FRMD4A: variants seen among roughly 807,000 people sequenced by gnomAD.
FRMD4A encodes FERM domain containing 4A.
Under a neutral mutation model 129.1 loss-of-function variants are expected in FRMD4A, and 29 were observed. The ratio of observed to expected loss-of-function variants is 0.22; its 90% CI spans 0.17 to 0.31. The LOEUF is 0.31. FRMD4A is among the 10% of genes least tolerant of loss of function. The pLI is 1.00. For synonymous variants in FRMD4A, 634 were observed against 571.6 expected (o/e 1.11, Z -1.56); for missense variants, 1,272 against 1,375.8 (o/e 0.92, Z 1.19).
intron 12 of FRMD4A, among the ~76,000 whole-genome samples, chr10:13,728,531 G>T (rs371201663): frequency 2.8e-4 from 41 of 148,964 alleles, no homozygotes; most frequent in Admixed American, 2.7e-3. Context: ...ACCCTGTACG[G>T]AATTCTAAGT....
At chr10:14,164,531 C>T (rs1197664944) in intron 2 of FRMD4A, among the ~76,000 whole-genome samples, 7 of 152,154 alleles carry the variant, frequency 4.6e-5, no homozygotes, top group African/African-American at 1.7e-4. Context: ...TAGCCCATCC[C>T]GTGATTCCCG....
intron 2 of FRMD4A, among the ~76,000 whole-genome samples, chr10:14,084,094 G>C (rs923247458): frequency 3.9e-5 from 6 of 152,200 alleles, no homozygotes; most frequent in African/African-American, 1.4e-4. Flanking sequence ...TCACAGCCCT[G>C]ACTGCTGCTT....
intron 2 of FRMD4A, among the ~76,000 whole-genome samples, chr10:13,989,775 A>G (rs2095596958): frequency 6.6e-6 from 1 of 152,238 alleles, no homozygotes; most frequent in African/African-American, 2.4e-5. Context: ...GTGGCCCTAT[A>G]GTTAAGAGTT....
At chr10:13,750,416 AT>A (rs2091557900) in intron 8 of FRMD4A, among the ~76,000 whole-genome samples, 1 of 152,204 alleles carries the variant, frequency 6.6e-6, no homozygotes, top group African/African-American at 2.4e-5. Flanking sequence ...GGTGCCCACG[AT>A]TTAGCTGAGA....
chr10:13,755,992 C>A (rs534415716), intron 8 of FRMD4A: 1 of 152,314 alleles, frequency 6.6e-6, no homozygotes, highest in East Asian at 1.9e-4. Flanking sequence ...AAACGTGGAC[C>A]AAGAATCTTT....
At chr10:14,302,831 T>C (rs1363112233) in intron 2 of FRMD4A, among the ~76,000 whole-genome samples, 1 of 152,176 alleles carries the variant, frequency 6.6e-6, no homozygotes, top group East Asian at 1.9e-4. Flanking sequence ...GCCAAGAACA[T>C]TGTCCACAGG....
chr10:13,971,688 T>A, intron 2 of FRMD4A: 1 of 1,304,310 alleles, frequency 7.7e-7, no homozygotes, highest in Non-Finnish European at 1.0e-6. Flanking sequence ...CACCATGGTT[T>A]TAGCAGCAGC....
At chr10:13,931,857 G>A (rs1312566978) in intron 2 of FRMD4A, among the ~76,000 whole-genome samples, 2 of 151,978 alleles carry the variant, frequency 1.3e-5, no homozygotes, top group African/African-American at 4.8e-5. Context: ...GCTGAGGCAG[G>A]AGAATCGCTT....
intron 2 of FRMD4A, among the ~76,000 whole-genome samples, chr10:14,245,525 C>T (rs950605624): frequency 6.6e-6 from 1 of 152,142 alleles, no homozygotes. Context: ...CCCTTACCCC[C>T]CAAACTCATC....
At chr10:13,860,041 T>G (rs972571998) in intron 2 of FRMD4A, among the ~76,000 whole-genome samples, 3 of 152,208 alleles carry the variant, frequency 2.0e-5, no homozygotes, top group African/African-American at 7.2e-5. Flanking sequence ...GGAAAAAGCC[T>G]GATTTGTAGC....
intron 13 of FRMD4A, among the ~76,000 whole-genome samples, chr10:13,705,887 C>T (rs192881590): frequency 1.3e-5 from 2 of 152,362 alleles, no homozygotes; most frequent in Admixed American, 1.3e-4. Context: ...TCTTGCCCTA[C>T]ACAGGAGTGG....
chr10:14,038,421 A>G (rs909123414), intron 2 of FRMD4A, among the ~76,000 whole-genome samples: 1 of 152,248 alleles, frequency 6.6e-6, no homozygotes, highest in Non-Finnish European at 1.5e-5. Flanking sequence ...TATGCCACGC[A>G]TACCTGTTAG....
intron 2 of FRMD4A, among the ~76,000 whole-genome samples, chr10:14,049,000 G>T (rs766411313): frequency 6.6e-6 from 1 of 152,158 alleles, no homozygotes; most frequent in African/African-American, 2.4e-5. Flanking sequence ...CAAAAAGCAG[G>T]ATGCTTGGAA....
intron 2 of FRMD4A, among the ~76,000 whole-genome samples, chr10:14,084,942 T>G (rs1836173808): frequency 6.6e-6 from 1 of 152,240 alleles, no homozygotes; most frequent in African/African-American, 2.4e-5. Flanking sequence ...GCTTGTCTCC[T>G]ACTCTTGGGA....
At chr10:14,165,808 A>G (rs1841143866) in intron 2 of FRMD4A, among the ~76,000 whole-genome samples, 1 of 152,204 alleles carries the variant, frequency 6.6e-6, no homozygotes, top group Non-Finnish European at 1.5e-5. Flanking sequence ...AACATTGAGT[A>G]CTCATGGACA....
intron 2 of FRMD4A, among the ~76,000 whole-genome samples, chr10:13,877,334 C>G (rs1031833755): frequency 2.0e-5 from 3 of 152,184 alleles, no homozygotes; most frequent in Admixed American, 1.3e-4. Context: ...GGTCCACATG[C>G]TCAGATGCCA....
At chr10:14,134,503 ATTG>A (rs1839431546) in intron 2 of FRMD4A, among the ~76,000 whole-genome samples, 1 of 149,710 alleles carries the variant, frequency 6.7e-6, no homozygotes, top group African/African-American at 2.5e-5. Flanking sequence ...GGGGGGATGA[ATTG>A]TTGGAGGGAT....
At chr10:13,691,453 T>G (rs879060908) in intron 15 of FRMD4A, among the ~76,000 whole-genome samples, 2 of 152,110 alleles carry the variant, frequency 1.3e-5, no homozygotes, top group African/African-American at 4.8e-5. Flanking sequence ...GACACGGGCT[T>G]AAAACTGGGC....
intron 2 of FRMD4A, among the ~76,000 whole-genome samples, chr10:14,167,131 G>A (rs1841223461): frequency 6.6e-6 from 1 of 152,142 alleles, no homozygotes; most frequent in Non-Finnish European, 1.5e-5. Context: ...AGTATTTAAG[G>A]TGATGGATAT....
Sources: allele counts gnomAD v4.1 joint callset (sites outside exome capture counted in the v4.1 genomes callset), GRCh38; gene constraint gnomAD v4.1.1; transcripts MANE v1.5; gene names NCBI Gene and HGNC (gene_info 2026-07-23, HGNC 2026-07-21).